The following GRIK2 variants were observed in gnomAD, a reference collection of about 807,000 sequenced individuals.
GRIK2 encodes glutamate receptor ionotropic, kainate 2.
Under a neutral mutation model 100.3 loss-of-function variants are expected in GRIK2, and 32 were observed. That is an observed-to-expected ratio of 0.32 (90% CI 0.24 to 0.43). The LOEUF (loss-of-function observed/expected upper bound fraction) is 0.43. Ranked by LOEUF, GRIK2 falls within the 20% of genes least tolerant of loss-of-function variation. The pLI, the probability that GRIK2 is intolerant of heterozygous loss-of-function variation, is 1.00. For synonymous variants in GRIK2, 417 were observed against 389.4 expected (o/e 1.07, Z -0.83); for missense variants, 843 against 1,114.9 (o/e 0.76, Z 3.47).
intron 4 of GRIK2, among the ~76,000 whole-genome samples, chr6:101,630,642 T>C (rs1212562217): frequency 2.0e-5 from 3 of 152,020 alleles, no homozygotes; most frequent in African/African-American, 7.2e-5. Context: ...AGTTTGTGAA[T>C]ATTTGCAAGG....
chr6:101,467,925 C>T (rs1033995850), intron 2 of GRIK2, among the ~76,000 whole-genome samples: 15 of 148,288 alleles, frequency 1.0e-4, no homozygotes, highest in African/African-American at 3.0e-4. Context: ...TGCATGCCCA[C>T]GATATATTTT....
rs1463607503 is a variant in GRIK2, at chr6:101,486,716, A to G, written c.115+87324A>G. Among the ~76,000 whole-genome samples, 2 of 116,796 alleles carry G rather than the reference A, an allele frequency of 1.7e-5. 1 individual carries two copies. Among genetic ancestry groups the G allele is most frequent in the Non-Finnish European group, 3.7e-5 (2 of 54,292 alleles). 76.6% of individuals were successfully genotyped at this position (116,796 alleles called of 152,430 possible). On this transcript the variant is annotated intron_variant, in intron 2 of 16. Coordinates refer to ENST00000369134, the MANE Select transcript of GRIK2 (RefSeq NM_021956.5). The stretch of plus-strand genomic sequence containing the variant: ...ATCAGTGGAGCTCTCTGTTAGATAT[A>G]TAATAATCAAGAATAGTTTAGGCTT...
At chr6:101,496,270 A>T (rs1323656523) in intron 2 of GRIK2, among the ~76,000 whole-genome samples, 3 of 152,068 alleles carry the variant, frequency 2.0e-5, no homozygotes, top group African/African-American at 7.2e-5. Flanking sequence ...AAAGAAAAAA[A>T]ATAAAATAAC....
chr6:101,418,937 T>G (rs1211311823), intron 2 of GRIK2, among the ~76,000 whole-genome samples: 7 of 152,158 alleles, frequency 4.6e-5, no homozygotes, highest in African/African-American at 1.4e-4. Context: ...TTATCAGAAT[T>G]TATTGAGTAG....
At chr6:101,609,339 G>A (rs764592538) in intron 2 of GRIK2, among the ~76,000 whole-genome samples, 2 of 151,800 alleles carry the variant, frequency 1.3e-5, no homozygotes, top group Non-Finnish European at 2.9e-5. Context: ...ATTATTGTAT[G>A]TTGAAACTAG....
intron 7 of GRIK2, among the ~76,000 whole-genome samples, chr6:101,701,746 A>C (rs899965875): frequency 4.6e-5 from 7 of 152,122 alleles, no homozygotes; most frequent in Non-Finnish European, 8.8e-5. Flanking sequence ...ACTCACTTTT[A>C]AAACATCATA....
At chr6:101,826,135 T>A (rs1350088678) in intron 10 of GRIK2, among the ~76,000 whole-genome samples, 3 of 151,982 alleles carry the variant, frequency 2.0e-5, no homozygotes, top group African/African-American at 2.4e-5. Context: ...ACAATTCAAG[T>A]ACCTAAAGGA....
At chr6:101,722,455 C>G (rs568571397) in intron 7 of GRIK2, among the ~76,000 whole-genome samples, 23 of 151,992 alleles carry the variant, frequency 1.5e-4, no homozygotes, top group Non-Finnish European at 2.8e-4. Flanking sequence ...TTTATACTTA[C>G]GTCTTTCACA....
intron 14 of GRIK2, among the ~76,000 whole-genome samples, chr6:102,024,961 A>G (rs1562119982): frequency 1.3e-5 from 2 of 149,852 alleles, no homozygotes; most frequent in Non-Finnish European, 3.0e-5. Flanking sequence ...AAAAATAAAA[A>G]ACAAAAATAA....
At position 101,626,517 on chromosome 6, in the gene GRIK2, A is replaced by C. The variant is rs746963403; in HGVS notation, c.421A>C (p.Asn141His). ...CCGCTGGAAGCACCAGGTGTCAGACAACAAAGATTCCTTCTATGTCAGTCT... is the reference window on the plus strand; with the variant it reads ...CCGCTGGAAGCACCAGGTGTCAGACCACAAAGATTCCTTCTATGTCAGTCT... The part of the protein sequence containing the change: ...QTRWKHQVSD[N>H]KDSFYVSLYP... The change falls in exon 4 of 17, where the codon AAC becomes CAC. Residue 141 changes from asparagine (N) to histidine (H), a missense_variant. Around this residue, in one of 3 missense-constraint regions of GRIK2, gnomAD observed 519 missense variants for 643.8 expected, o/e 0.81. Transcript: ENST00000369134. The C allele has an allele frequency of 1.3e-5, 21 of 1,614,034 alleles. No individual in the cohort carries two copies. The South Asian group carries it at 2.1e-4, about 16-fold the overall frequency.
chr6:102,059,323 A>C (rs1771626712), intron 16 of GRIK2, among the ~76,000 whole-genome samples: 1 of 151,306 alleles, frequency 6.6e-6, no homozygotes, highest in Non-Finnish European at 1.5e-5. Context: ...CAAACTTTTA[A>C]AATACTCAGA....
chr6:101,889,591 C>CTCTT (rs769766052), intron 11 of GRIK2, 49 bp from the exon 12 acceptor site: 18 of 1,027,256 alleles, frequency 1.8e-5, no homozygotes, highest in East Asian at 1.5e-4. Flanking sequence ...AATTTTTTCT[C>CTCTT]TCTTTCTTTC....
At chr6:101,517,380 G>C (rs1043283524) in intron 2 of GRIK2, among the ~76,000 whole-genome samples, 1 of 152,104 alleles carries the variant, frequency 6.6e-6, no homozygotes, top group East Asian at 1.9e-4. Flanking sequence ...GAAATGGGGT[G>C]CTCCTGCACC....
chr6:102,024,062 A>C (rs573741826), intron 14 of GRIK2, among the ~76,000 whole-genome samples: 1 of 150,988 alleles, frequency 6.6e-6, no homozygotes, highest in Non-Finnish European at 1.5e-5. Context: ...ATTCATTTTG[A>C]AAGTAAAGTA....
intron 16 of GRIK2, among the ~76,000 whole-genome samples, chr6:102,059,331 A>G (rs1015231730): frequency 2.0e-5 from 3 of 151,326 alleles, no homozygotes; most frequent in African/African-American, 4.8e-5. Context: ...TAAAATACTC[A>G]GAACCTTTTC....
intron 2 of GRIK2, among the ~76,000 whole-genome samples, chr6:101,417,159 T>G (rs1187868161): frequency 6.6e-6 from 1 of 152,194 alleles, no homozygotes; most frequent in Non-Finnish European, 1.5e-5. Context: ...AACTGCCCTT[T>G]ATGAAATCAT....
At chr6:101,432,167 C>T (rs1243955803) in intron 2 of GRIK2, among the ~76,000 whole-genome samples, 1 of 152,132 alleles carries the variant, frequency 6.6e-6, no homozygotes, top group Non-Finnish European at 1.5e-5. Flanking sequence ...GGACCTTCTC[C>T]TGGGGCTGCC....
At chr6:101,740,405 C>G (rs1326579331) in intron 7 of GRIK2, among the ~76,000 whole-genome samples, 1 of 151,376 alleles carries the variant, frequency 6.6e-6, no homozygotes, top group African/African-American at 2.4e-5. Flanking sequence ...TTATTTATAC[C>G]CAATAACAGC....
At chr6:102,037,833 C>G (rs1006628824) in intron 15 of GRIK2, among the ~76,000 whole-genome samples, 2 of 151,252 alleles carry the variant, frequency 1.3e-5, no homozygotes, top group African/African-American at 4.8e-5. Flanking sequence ...ATAAGAAATG[C>G]ATACTGAACC....
Sources: allele counts gnomAD v4.1 joint callset (sites outside exome capture counted in the v4.1 genomes callset), GRCh38; gene constraint gnomAD v4.1.1; regional missense constraint gnomAD v4.1.1; transcripts MANE v1.5; gene names NCBI Gene and HGNC (gene_info 2026-07-23, HGNC 2026-07-21).